Variants in SLAIN2 observed in about 807,000 individuals in gnomAD.
SLAIN2 encodes the protein SLAIN family member 2, also known as SLAIN motif-containing protein 2.
SLAIN2 carries 31 observed loss-of-function variants against 56.6 expected under a neutral mutation model. That is an observed-to-expected ratio of 0.55 (90% CI 0.41 to 0.74). SLAIN2 has a LOEUF of 0.74. SLAIN2 is among the 30% of genes least tolerant of loss of function. The pLI is 0.00. For missense variants in SLAIN2, 777 were observed against 754.2 expected, an observed-to-expected ratio of 1.03 and a Z score of -0.35; for synonymous variants, 317 against 284.9, an observed-to-expected ratio of 1.11 and a Z score of -1.13.
intron 1 of SLAIN2, among the ~76,000 whole-genome samples, chr4:48,345,692 G>A (rs935327532): frequency 4.7e-5 from 7 of 150,250 alleles, no homozygotes; most frequent in African/African-American, 9.8e-5. Context: ...TTTTTTAGGC[G>A]TGCTCAGATT....
At chr4:48,351,164 G>C (rs1424882437) in intron 1 of SLAIN2, among the ~76,000 whole-genome samples, 1 of 152,184 alleles carries the variant, frequency 6.6e-6, no homozygotes, top group African/African-American at 2.4e-5. Flanking sequence ...TGTTTGAAAA[G>C]TGTGAATGAG....
intron 6 of SLAIN2, among the ~76,000 whole-genome samples, chr4:48,403,380 G>A (rs769507196): frequency 6.6e-6 from 1 of 152,052 alleles, no homozygotes; most frequent in Non-Finnish European, 1.5e-5. Context: ...TCAGAGTTCT[G>A]TTCGTATAAC....
Position 48,383,878 on chromosome 4 carries a change from C to G in SLAIN2, c.1360+94C>G, listed in dbSNP as rs960306100. 5 of 1,363,502 alleles carry G rather than the reference C, an allele frequency of 3.7e-6. No homozygotes were observed. The East Asian group carries it at 7.5e-5, about 21-fold the overall frequency. The allele number at this position is 1,363,502 out of a possible 1,614,324, so 84.5% of individuals were successfully genotyped here. On this transcript the variant is annotated intron_variant, in intron 6 of 7. Transcript: ENST00000264313. ...TTATGCTGAAAAACCGTTTTTTATG[C>G]TGAAAAACCGTTTTAAACCATAGCT...
At position 48,390,688 on chromosome 4, in the gene SLAIN2, A is replaced by T. The variant is rs973992267; in HGVS notation, c.1360+6904A>T. ...GGGTTAATAATTTGAAGTTACATTGATCATTTTTTTAAAAAGGAAAAATGT... is the reference window on the plus strand; with the variant it reads ...GGGTTAATAATTTGAAGTTACATTGTTCATTTTTTTAAAAAGGAAAAATGT... On this transcript the variant is annotated intron_variant, in intron 6 of 7. Coordinates refer to ENST00000264313, the MANE Select transcript of SLAIN2 (RefSeq NM_020846.2). Among the ~76,000 whole-genome samples, 8 of 152,308 alleles carry T rather than the reference A, an allele frequency of 5.3e-5. No homozygotes were observed. The East Asian group carries it at 1.3e-3, about 26-fold the overall frequency.
rs1257923923 is a variant in SLAIN2 at position 48,390,354 on chromosome 4, A to G, written c.1360+6570A>G. 7.2e-5 allele frequency among the ~76,000 whole-genome samples: 11 copies of G among 152,178 alleles called. No individual in the cohort carries two copies. The East Asian group carries it at 1.5e-3, about 21-fold the overall frequency. ...TCGGCCTCCCAAATGACTCTAAATCAAAACTTCTAAGAAATAAAAGATTTA... is the reference window on the plus strand; with the variant it reads ...TCGGCCTCCCAAATGACTCTAAATCGAAACTTCTAAGAAATAAAAGATTTA... On this transcript the variant is annotated intron_variant, in intron 6 of 7. Transcript: ENST00000264313.
intron 6 of SLAIN2, 146 bp from the exon 7 acceptor site, chr4:48,419,979 C>A: frequency 1.3e-6 from 1 of 776,188 alleles, no homozygotes; most frequent in Non-Finnish European, 2.0e-6. Context: ...TTTTAGTAGC[C>A]CAGGAATAGC....
At chr4:48,369,785 A>G in intron 1 of SLAIN2, 64 bp from the exon 2 acceptor site, 2 of 1,476,308 alleles carry the variant, frequency 1.4e-6, no homozygotes, top group Non-Finnish European at 1.8e-6. Context: ...ATCCAAAAGG[A>G]TCCCTGTTTT....
rs569833908 is a variant in SLAIN2, at chr4:48,403,757, A to C, written c.1361-16368A>C. 2.0e-5 allele frequency among the ~76,000 whole-genome samples: 3 copies of C among 152,194 alleles called. No homozygotes were observed. In the East Asian group the frequency reaches 5.8e-4, roughly 29 times the overall value. The stretch of plus-strand genomic sequence containing the variant: ...TTCAGCCCCCTTCCTAGGGTAATGC[A>C]TGGAGGGATCTCCTGCCTTGCATGA... On this transcript the variant is annotated intron_variant, in intron 6 of 7. Coordinates refer to ENST00000264313, the MANE Select transcript of SLAIN2 (RefSeq NM_020846.2).
intron 6 of SLAIN2, chr4:48,394,700 G>T: frequency 2.0e-6 from 3 of 1,488,488 alleles, no homozygotes; most frequent in Non-Finnish European, 2.7e-6. Flanking sequence ...AAATGATCTA[G>T]TTAAATCTTA....
At chr4:48,404,807 C>G (rs187576817) in intron 6 of SLAIN2, among the ~76,000 whole-genome samples, 13 of 152,244 alleles carry the variant, frequency 8.5e-5, no homozygotes, top group Non-Finnish European at 1.5e-4. Context: ...CTTTAAAGGT[C>G]ACCTGTATCC....
chr4:48,376,339 C>T (rs1486530069), intron 2 of SLAIN2, among the ~76,000 whole-genome samples: 1 of 151,270 alleles, frequency 6.6e-6, no homozygotes, highest in East Asian at 2.0e-4. Flanking sequence ...CCTGTATTCC[C>T]AGCTATTTGG....
rs1158703212 is a variant in SLAIN2, at chr4:48,394,880, G to C, written c.1360+11096G>C. On this transcript the variant is annotated intron_variant, in intron 6 of 7. Coordinates refer to ENST00000264313, the MANE Select transcript of SLAIN2 (RefSeq NM_020846.2). ...TTCTGAAAGGAGTAAATGATATATA[G>C]AGAATATATTTTTCTTACCCACTTA... 7.2e-5 allele frequency among the ~76,000 whole-genome samples: 11 copies of C among 152,248 alleles called. No individual in the cohort carries two copies. The South Asian group carries it at 1.2e-3, about 17-fold the overall frequency.
At chr4:48,407,607 A>G (rs1038879163) in intron 6 of SLAIN2, among the ~76,000 whole-genome samples, 2 of 152,090 alleles carry the variant, frequency 1.3e-5, no homozygotes, top group African/African-American at 4.8e-5. Flanking sequence ...TTGATTTAAG[A>G]CTTACTAATT....
intron 1 of SLAIN2, among the ~76,000 whole-genome samples, chr4:48,354,508 C>T (rs1460304219): frequency 6.6e-6 from 1 of 151,926 alleles, no homozygotes; most frequent in African/African-American, 2.4e-5. Flanking sequence ...GCTGTGTTGC[C>T]CAGGCTGGAG....
intron 1 of SLAIN2, 84 bp from the exon 2 acceptor site, chr4:48,369,765 A>T (rs1439846148): frequency 3.1e-6 from 4 of 1,304,738 alleles, no homozygotes; most frequent in Non-Finnish European, 4.2e-6. Context: ...CTTCTCCCCT[A>T]TTTAAATCGA....
At chr4:48,362,731 T>TA (rs1715362467) in intron 1 of SLAIN2, among the ~76,000 whole-genome samples, 2 of 95,726 alleles carry the variant, frequency 2.1e-5, no homozygotes, top group Non-Finnish European at 2.3e-5. Flanking sequence ...TTTTTAAATT[T>TA]CTTTTTTTTT....
chr4:48,362,732 C>CTTTTTTTTTTTTTTTTTTT (rs397716685), intron 1 of SLAIN2, among the ~76,000 whole-genome samples: 1 of 116,408 alleles, frequency 8.6e-6, no homozygotes, highest in Non-Finnish European at 1.7e-5. Context: ...TTTTAAATTT[C>CTTTTTTTTTTTTTTTTTTT]TTTTTTTTTT....
At chr4:48,355,769 A>C (rs1200598732) in intron 1 of SLAIN2, among the ~76,000 whole-genome samples, 1 of 151,956 alleles carries the variant, frequency 6.6e-6, no homozygotes, top group East Asian at 1.9e-4. Context: ...ATGTTTATAA[A>C]TATATAAATG....
chr4:48,414,550 A>ATTTTTTTTT (rs36222817), intron 6 of SLAIN2, among the ~76,000 whole-genome samples: 1 of 136,952 alleles, frequency 7.3e-6, no homozygotes. Context: ...TTGGTGTGGT[A>ATTTTTTTTT]TTTTTTTTTT....
Sources: allele counts gnomAD v4.1 joint callset (sites outside exome capture counted in the v4.1 genomes callset), GRCh38; gene constraint gnomAD v4.1.1; transcripts MANE v1.5; gene names NCBI Gene and HGNC (gene_info 2026-07-23, HGNC 2026-07-21).